Variants in TXNRD1 observed in about 807,000 individuals in gnomAD.
TXNRD1 encodes the protein thioredoxin reductase 1.
TXNRD1 carries 57 observed loss-of-function variants against 80.3 expected under a neutral mutation model. The observed-to-expected ratio is 0.71, with a 90% CI of 0.57 to 0.89. The LOEUF (loss-of-function observed/expected upper bound fraction) is 0.89. Ranked by LOEUF, TXNRD1 falls within the 40% of genes least tolerant of loss-of-function variation. The pLI is 0.00. For missense variants in TXNRD1, 730 were observed against 803.0 expected, an observed-to-expected ratio of 0.91 and a Z score of 1.10; for synonymous variants, 291 against 285.2, an observed-to-expected ratio of 1.02 and a Z score of -0.20.
intron 4 of TXNRD1, chr12:104,309,720 T>C: frequency 7.0e-7 from 1 of 1,436,354 alleles, no homozygotes; most frequent in Non-Finnish European, 9.3e-7. Context: ...GATCCTTTGA[T>C]CGAATGGCTA....
chr12:104,220,707 G>A (rs1434964740), intron 1 of TXNRD1, among the ~76,000 whole-genome samples: 1 of 127,782 alleles, frequency 7.8e-6, no homozygotes, highest in Non-Finnish European at 1.6e-5. Flanking sequence ...CCTGGGTGAT[G>A]AGAACGAAAC....
Position 104,321,331 on chromosome 12 carries a change from C to T in TXNRD1, c.1215+15C>T, listed in dbSNP as rs570730169. On this transcript the variant is annotated intron_variant, in intron 10 of 16. Transcript: ENST00000525566. ...TACCAATTAAAGTAAGTGGGTTTGC[C>T]TGTAGGTTTCTTGATTCTACATTCA... 1.2e-6 allele frequency: 2 copies of T among 1,604,870 alleles called. No homozygotes were observed. The highest frequency in any genetic ancestry group is 1.3e-5 in the African/African-American group (1 of 74,796).
At chr12:104,303,456 C>A (rs1380447912) in intron 4 of TXNRD1, among the ~76,000 whole-genome samples, 1 of 152,182 alleles carries the variant, frequency 6.6e-6, no homozygotes, top group Non-Finnish European at 1.5e-5. Flanking sequence ...CGTTTTAAAG[C>A]GCAGGACCTT....
At chr12:104,226,333 C>G (rs546168325) in intron 1 of TXNRD1, among the ~76,000 whole-genome samples, 1 of 152,192 alleles carries the variant, frequency 6.6e-6, no homozygotes, top group African/African-American at 2.4e-5. Flanking sequence ...AGATGCTGAA[C>G]GCTGTGGGCT....
intron 16 of TXNRD1, among the ~76,000 whole-genome samples, chr12:104,347,011 C>T (rs2036515560): frequency 6.6e-6 from 1 of 152,124 alleles, no homozygotes; most frequent in African/African-American, 2.4e-5. Context: ...AGGAGAATCG[C>T]TTGAACCTAG....
rs544910201 is a variant in TXNRD1 at position 104,316,010 on chromosome 12, G to A, written c.730+114G>A. 37 of 1,221,370 alleles carry A rather than the reference G, an allele frequency of 3.0e-5. No individual in the cohort carries two copies. In the African/African-American group the frequency reaches 5.6e-4, roughly 18 times the overall value. 75.7% of individuals were successfully genotyped at this position (1,221,370 alleles called of 1,614,324 possible). ...AGCAAATAGCCTAGTTGTTTTTATT[G>A]TTTACATTTTTGATGGATATAATCA... On this transcript the variant is annotated intron_variant, in intron 7 of 16. Transcript: ENST00000525566.
chr12:104,315,930 C>G, intron 7 of TXNRD1, 34 bp downstream of exon 7: 1 of 1,585,432 alleles, frequency 6.3e-7, no homozygotes, highest in Non-Finnish European at 8.6e-7. Flanking sequence ...TCTGTTTGTG[C>G]TTTTGGGGGT....
At chr12:104,251,709 G>T (rs1188953378) in intron 2 of TXNRD1, 31 bp downstream of exon 2, 6 of 1,598,348 alleles carry the variant, frequency 3.8e-6, no homozygotes, top group Non-Finnish European at 3.4e-6. Flanking sequence ...GGTTTAAATG[G>T]AATTGAAGGA....
At chr12:104,239,224 G>T (rs567061717) in intron 1 of TXNRD1, among the ~76,000 whole-genome samples, 1 of 144,452 alleles carries the variant, frequency 6.9e-6, no homozygotes, top group Non-Finnish European at 1.5e-5. Flanking sequence ...ACGGAGTTTC[G>T]CTCTTGCTCC....
chr12:104,274,376 A>T (rs989596507), intron 3 of TXNRD1, among the ~76,000 whole-genome samples: 2 of 152,114 alleles, frequency 1.3e-5, no homozygotes, highest in African/African-American at 4.8e-5. Flanking sequence ...TCAACTATCT[A>T]ATAGTGTTTA....
At chr12:104,331,494 A>G (rs757249661) in intron 13 of TXNRD1, 40 bp from the exon 14 acceptor site, 6 of 1,341,428 alleles carry the variant, frequency 4.5e-6, no homozygotes, top group African/African-American at 1.5e-5. Context: ...TTAAGTTATA[A>G]CTTTGCCTAT....
intron 4 of TXNRD1, chr12:104,304,696 T>G (rs1406806306): frequency 2.1e-5 from 34 of 1,613,992 alleles, no homozygotes; most frequent in Middle Eastern, 1.6e-4. Context: ...CTTTTTCTCG[T>G]ACTGTGGAGA....
intron 4 of TXNRD1, 81 bp downstream of exon 4, chr12:104,289,121 A>G (rs2034084559): frequency 1.3e-6 from 2 of 1,511,186 alleles, no homozygotes; most frequent in Non-Finnish European, 1.8e-6. Context: ...TTTTAAAGCC[A>G]GCGTGGATGT....
At chr12:104,259,593 G>T (rs2033322841) in intron 3 of TXNRD1, among the ~76,000 whole-genome samples, 1 of 149,616 alleles carries the variant, frequency 6.7e-6, no homozygotes, top group African/African-American at 2.5e-5. Flanking sequence ...CCAGGTTCAA[G>T]CAATTCTCCT....
chr12:104,341,569 T>C (rs2135890470), intron 16 of TXNRD1, among the ~76,000 whole-genome samples: 1 of 152,330 alleles, frequency 6.6e-6, no homozygotes, highest in South Asian at 2.1e-4. Context: ...TCTGTTTTTT[T>C]ACTCACAGAG....
chr12:104,246,376 C>T (rs1431698027), intron 1 of TXNRD1, among the ~76,000 whole-genome samples: 2 of 146,804 alleles, frequency 1.4e-5, no homozygotes, highest in South Asian at 2.2e-4. Context: ...TGCAGTGAGC[C>T]AAGATCGCGC....
In TXNRD1 at chr12:104,315,792, G is replaced by A. The variant is rs1270347246; in HGVS notation, c.626G>A (p.Cys209Tyr). 2 of 1,611,638 alleles carry A rather than the reference G, an allele frequency of 1.2e-6. No homozygotes were observed. The highest frequency in any genetic ancestry group is 1.7e-6 in the Non-Finnish European group (2 of 1,178,508). The change falls in exon 7 of 17, where the codon TGT becomes TAT. Residue 209 changes from cysteine to tyrosine, a missense_variant. Coordinates refer to ENST00000525566, the MANE Select transcript of TXNRD1 (RefSeq NM_001093771.3). Reference protein sequence around the residue: ...LGTRWGLGGTCVNVGCIPKKL... With the variant: ...LGTRWGLGGTYVNVGCIPKKL... ...GTTGTTGTAGGTCTCGGAGGAACATGTGTGAATGTGGGTTGCATACCTAAA... is the reference window on the plus strand; with the variant it reads ...GTTGTTGTAGGTCTCGGAGGAACATATGTGAATGTGGGTTGCATACCTAAA...
intron 3 of TXNRD1, among the ~76,000 whole-genome samples, chr12:104,266,786 C>T (rs1323974754): frequency 6.6e-6 from 1 of 151,978 alleles, no homozygotes; most frequent in Admixed American, 6.6e-5. Context: ...CAGGGTGAAA[C>T]CCCGTCTCTA....
chr12:104,271,524 G>A (rs540922463), intron 3 of TXNRD1, among the ~76,000 whole-genome samples: 1 of 152,220 alleles, frequency 6.6e-6, no homozygotes, highest in Admixed American at 6.5e-5. Context: ...GTGGAGTTAG[G>A]AGCAATGTTT....
Sources: gnomAD v4.1 joint callset for allele counts (sites outside exome capture counted in the v4.1 genomes callset) on GRCh38, gnomAD v4.1.1 for gene constraint, MANE v1.5 for transcripts, NCBI Gene and HGNC (gene_info 2026-07-23, HGNC 2026-07-21) for gene names.